LYRM4: variants seen among roughly 807,000 people sequenced by gnomAD.
LYRM4 encodes LYR motif-containing protein 4.
Under a neutral mutation model 11.7 loss-of-function variants are expected in LYRM4, and 9 were observed. The ratio of observed to expected loss-of-function variants is 0.77; its 90% CI spans 0.46 to 1.34. The LOEUF (loss-of-function observed/expected upper bound fraction) is 1.34. Among genes scored for constraint, LYRM4 ranks in the 40% most tolerant of loss-of-function variants. The pLI, the probability that LYRM4 is intolerant of heterozygous loss-of-function variation, is 0.00. For missense variants in LYRM4, 133 were observed against 112.5 expected, an observed-to-expected ratio of 1.18 and a Z score of -0.82; for synonymous variants, 42 against 40.4, an observed-to-expected ratio of 1.04 and a Z score of -0.15.
chr6:5,191,185 T>TTGACTC (rs1181241774), intron 2 of LYRM4, among the ~76,000 whole-genome samples: 13 of 152,282 alleles, frequency 8.5e-5, no homozygotes, highest in Middle Eastern at 3.4e-3. Flanking sequence ...TACTGGAAGC[T>TTGACTC]ATTAAAACAA....
chr6:5,196,744 C>A (rs1395869068), intron 2 of LYRM4, among the ~76,000 whole-genome samples: 1 of 152,154 alleles, frequency 6.6e-6, no homozygotes, highest in East Asian at 1.9e-4. Context: ...TTTAACATAA[C>A]TGTATATGGT....
chr6:5,224,741 C>T (rs1014132773), intron 1 of LYRM4, among the ~76,000 whole-genome samples: 7 of 152,270 alleles, frequency 4.6e-5, no homozygotes, highest in African/African-American at 1.7e-4. Flanking sequence ...GGGTGGATCA[C>T]CTGAGGTCAG....
chr6:5,220,638 G>A (rs1349181896), intron 1 of LYRM4, among the ~76,000 whole-genome samples: 1 of 152,212 alleles, frequency 6.6e-6, no homozygotes, highest in Non-Finnish European at 1.5e-5. Context: ...AGAGGAGGGT[G>A]CTGGTGTATT....
At chr6:5,069,178 G>A in the LYRM4 span, among the ~76,000 whole-genome samples, 10,103 of 152,064 alleles carry the variant, frequency 0.066, 910 homozygotes, top group African/African-American at 0.21. Flanking sequence ...GATCAAACGC[G>A]GTAGGGCAGC....
At chr6:5,156,012 C>T (rs568155414) in intron 2 of LYRM4, among the ~76,000 whole-genome samples, 1 of 152,268 alleles carries the variant, frequency 6.6e-6, no homozygotes, top group South Asian at 2.1e-4. Context: ...AGAGGAAACA[C>T]ACAGATTTAT....
intron 1 of LYRM4, among the ~76,000 whole-genome samples, chr6:5,254,123 C>A (rs1235521531): frequency 6.6e-6 from 1 of 152,216 alleles, no homozygotes; most frequent in Non-Finnish European, 1.5e-5. Context: ...ATGAGATGCA[C>A]TGAAAACGGC....
chr6:5,187,615 G>A (rs1266909857), intron 2 of LYRM4, among the ~76,000 whole-genome samples: 1 of 152,046 alleles, frequency 6.6e-6, no homozygotes, highest in Non-Finnish European at 1.5e-5. Flanking sequence ...GGGGTTGGGG[G>A]CTGGGGGAGG....
chr6:5,119,952 G>A (rs1257149266), intron 2 of LYRM4, among the ~76,000 whole-genome samples: 4 of 151,990 alleles, frequency 2.6e-5, no homozygotes. Context: ...CCAAGCTGGA[G>A]TGCATGATCT....
At chr6:5,077,675 T>C in the LYRM4 span, among the ~76,000 whole-genome samples, 1 of 152,228 alleles carries the variant, frequency 6.6e-6, no homozygotes, top group Non-Finnish European at 1.5e-5. Flanking sequence ...CTTGAAGAAT[T>C]AATAGATAGA....
At chr6:5,098,331 C>T in the LYRM4 span, among the ~76,000 whole-genome samples, 2 of 152,328 alleles carry the variant, frequency 1.3e-5, no homozygotes, top group East Asian at 3.9e-4. Flanking sequence ...CTGCTCTGCT[C>T]GGGAGTGATG....
intron 2 of LYRM4, among the ~76,000 whole-genome samples, chr6:5,188,263 C>T (rs1019920081): frequency 3.3e-5 from 5 of 151,936 alleles, no homozygotes; most frequent in African/African-American, 1.2e-4. Context: ...CATGAGGTGC[C>T]AGCTACTTAG....
the LYRM4 span, among the ~76,000 whole-genome samples, chr6:5,064,746 G>A: frequency 1.3e-5 from 2 of 152,072 alleles, no homozygotes; most frequent in Admixed American, 1.3e-4. Context: ...ACATATTTAT[G>A]GGGTACAGTG....
the LYRM4 span, among the ~76,000 whole-genome samples, chr6:5,076,598 C>T: frequency 6.6e-6 from 1 of 152,224 alleles, no homozygotes; most frequent in African/African-American, 2.4e-5. Context: ...GGTCTAGCCA[C>T]AGTGCATCTT....
the LYRM4 span, among the ~76,000 whole-genome samples, chr6:5,098,314 C>T: frequency 6.6e-6 from 1 of 152,212 alleles, no homozygotes; most frequent in African/African-American, 2.4e-5. Context: ...CCAGCAGGCA[C>T]GTGGCTCTGC....
chr6:5,084,888 C>T, the LYRM4 span: 3 of 152,462 alleles, frequency 2.0e-5, no homozygotes, highest in African/African-American at 7.2e-5. Flanking sequence ...CAAGATTTCC[C>T]CAGTTGCGCG....
chr6:5,061,364 G>A, the LYRM4 span, among the ~76,000 whole-genome samples: 5 of 152,230 alleles, frequency 3.3e-5, no homozygotes, highest in Admixed American at 3.3e-4. Flanking sequence ...TGCCACCTTT[G>A]TTTCACAATA....
chr6:5,141,888 C>T (rs531766493), intron 2 of LYRM4, among the ~76,000 whole-genome samples: 1 of 152,228 alleles, frequency 6.6e-6, no homozygotes, highest in South Asian at 2.1e-4. Flanking sequence ...AAACTGAGAT[C>T]CAGAGAGGTT....
rs71540849 is a variant in LYRM4, at chr6:5,144,624, C to CAAAAAAAAAAAA, written c.208-35145_208-35134dup. ...TGGGCGACACAGCGAGACTCCGTCT[C>CAAAAAAAAAAAA]AAAAAAAAAAAAAAAAAAAAAAAAA... On this transcript the variant is annotated intron_variant, in intron 2 of 2. Transcript: ENST00000330636. Among the ~76,000 whole-genome samples the CAAAAAAAAAAAA allele has an allele frequency of 8.0e-4, 30 of 37,598 alleles. 2 individuals carry two copies. Among genetic ancestry groups the CAAAAAAAAAAAA allele is most frequent in the Non-Finnish European group, 1.0e-3 (21 of 20,956 alleles). 24.7% of individuals were successfully genotyped at this position (37,598 alleles called of 152,430 possible). A position where few individuals can be genotyped will look rare whatever the true frequency, so the allele number is the denominator to read the frequency against.
chr6:5,232,596 C>T (rs1763305063), intron 1 of LYRM4, among the ~76,000 whole-genome samples: 2 of 152,226 alleles, frequency 1.3e-5, no homozygotes, highest in African/African-American at 4.8e-5. Flanking sequence ...TCCAGGGTCT[C>T]AGCAACTGCT....
Sources: allele counts gnomAD v4.1 joint callset (sites outside exome capture counted in the v4.1 genomes callset), GRCh38; gene constraint gnomAD v4.1.1; transcripts MANE v1.5; gene names NCBI Gene and HGNC (gene_info 2026-07-23, HGNC 2026-07-21).